The following ADGRG5 variants were observed in gnomAD, a reference collection of about 807,000 sequenced individuals.
The protein encoded by ADGRG5 is G protein-coupled receptor 114.
In ADGRG5, 37 loss-of-function variants were observed where a neutral mutation model predicts 53.2. That is an observed-to-expected ratio of 0.70 (90% CI 0.53 to 0.91). The LOEUF (loss-of-function observed/expected upper bound fraction) is 0.91, where lower values mean the gene tolerates loss of function less well. Ranked by LOEUF, ADGRG5 falls within the 40% of genes least tolerant of loss-of-function variation. The pLI is 0.00. For synonymous variants in ADGRG5, 277 were observed against 290.4 expected, an observed-to-expected ratio of 0.95 and a Z score of 0.47; for missense variants, 614 against 675.8, an observed-to-expected ratio of 0.91 and a Z score of 1.01.
chr16:57,565,509 C>G, intron 6 of ADGRG5: 1 of 372,922 alleles, frequency 2.7e-6, no homozygotes, highest in Non-Finnish European at 4.8e-6. Flanking sequence ...GGTCTCCTGT[C>G]TTGGCTGTCC....
chr16:57,559,763 G>A (rs1257411440), intron 1 of ADGRG5, among the ~76,000 whole-genome samples: 14 of 151,340 alleles, frequency 9.3e-5, no homozygotes, highest in African/African-American at 3.2e-4. Context: ...AAAAGATTTT[G>A]TATATTATTT....
Position 57,555,575 on chromosome 16 carries a change from G to A in ADGRG5, c.-38-6481G>A, listed in dbSNP as rs183461429. Among the ~76,000 whole-genome samples the A allele has an allele frequency of 1.2e-4, 19 of 152,036 alleles. No homozygotes were observed. In the East Asian group the frequency reaches 3.7e-3, roughly 29 times the overall value. ...ATTGCATTTTGCAACTATAAGTGTT[G>A]GTTTGTCAATTTCTCCTTTTAGTGT... On this transcript the variant is annotated intron_variant, in intron 1 of 11. Transcript: ENST00000349457.
chr16:57,549,547 G>A (rs1341226365), intron 1 of ADGRG5, among the ~76,000 whole-genome samples: 1 of 151,990 alleles, frequency 6.6e-6, no homozygotes, highest in African/African-American at 2.4e-5. Context: ...TTTTTTGATT[G>A]GATTTCTAAA....
chr16:57,531,922 A>C, the ADGRG5 span, among the ~76,000 whole-genome samples: 1 of 152,112 alleles, frequency 6.6e-6, no homozygotes, highest in Non-Finnish European at 1.5e-5. Flanking sequence ...TATTTTTTAA[A>C]ACTCATGACC....
chr16:57,542,634 C>T (rs933815087), upstream of ADGRG5: 1 of 136,576 alleles, frequency 7.3e-6, no homozygotes. Context: ...CCGACTTCCC[C>T]TTCTTCCTGC....
the ADGRG5 span, among the ~76,000 whole-genome samples, chr16:57,535,829 C>A: frequency 6.6e-6 from 1 of 152,192 alleles, no homozygotes; most frequent in East Asian, 1.9e-4. Context: ...GGTGGGCAGA[C>A]CTCCCGAACC....
At position 57,567,541 on chromosome 16, in the gene ADGRG5, C is replaced by T; in HGVS notation, c.771C>T (p.Ser257=). The change falls in exon 8 of 12, where the codon AGC becomes AGT. Residue 257 remains serine, a synonymous_variant. Transcript: ENST00000349457. The part of the protein sequence containing the change: ...PLTYISLVGC[S]ISIVASLITV... ...CGTACATCTCCCTCGTGGGCTGCAG[C>T]ATCTCCATCGTGGCCTCGCTGATCA... 6.2e-7 allele frequency: 1 copy of T among 1,611,986 alleles called. No homozygotes were observed. The highest frequency in any genetic ancestry group is 8.5e-7 in the Non-Finnish European group (1 of 1,179,900).
intron 10 of ADGRG5, among the ~76,000 whole-genome samples, chr16:57,572,398 C>T (rs2033387865): frequency 6.6e-6 from 1 of 152,202 alleles, no homozygotes; most frequent in African/African-American, 2.4e-5. Flanking sequence ...TGGCGTGAAC[C>T]TGGGAGGTGG....
rs561688903 is a variant in ADGRG5 at position 57,553,016 on chromosome 16, T to C, written c.-38-9040T>C. 7.2e-5 allele frequency among the ~76,000 whole-genome samples: 11 copies of C among 152,360 alleles called. No individual in the cohort carries two copies. The South Asian group carries it at 1.2e-3, about 17-fold the overall frequency. Reference sequence around the variant, plus strand: ...AGTCAAAACACATACATTTATTGGTTAAGTTTGCCATCTTATATGGGCGCA... The same window carrying C: ...AGTCAAAACACATACATTTATTGGTCAAGTTTGCCATCTTATATGGGCGCA... On this transcript the variant is annotated intron_variant, in intron 1 of 11. Coordinates refer to ENST00000349457, the MANE Select transcript of ADGRG5 (RefSeq NM_001304376.3).
intron 1 of ADGRG5, among the ~76,000 whole-genome samples, chr16:57,561,744 C>A (rs1478985185): frequency 1.3e-5 from 2 of 152,180 alleles, no homozygotes; most frequent in Non-Finnish European, 2.9e-5. Context: ...ACACCGTCCC[C>A]CTGGGTAGAG....
intron 1 of ADGRG5, among the ~76,000 whole-genome samples, chr16:57,548,897 C>A (rs144900038): frequency 6.6e-6 from 1 of 152,244 alleles, no homozygotes; most frequent in Non-Finnish European, 1.5e-5. Context: ...AATAAAGCTG[C>A]TATGACTCTT....
At chr16:57,545,091 C>T (rs1314475760) in intron 1 of ADGRG5, among the ~76,000 whole-genome samples, 1 of 152,116 alleles carries the variant, frequency 6.6e-6, no homozygotes, top group East Asian at 1.9e-4. Flanking sequence ...CAAATCTTGT[C>T]CCTTGTCTTT....
At chr16:57,531,053 C>T in the ADGRG5 span, among the ~76,000 whole-genome samples, 3 of 151,918 alleles carry the variant, frequency 2.0e-5, no homozygotes, top group South Asian at 2.1e-4. Context: ...CGGCTGTCAT[C>T]GGGCCCTGGG....
chr16:57,541,697 A>T (rs532291624), upstream of ADGRG5, among the ~76,000 whole-genome samples: 1 of 152,288 alleles, frequency 6.6e-6, no homozygotes, highest in South Asian at 2.1e-4. Flanking sequence ...CTGGAAGAGC[A>T]CATTCCTGAG....
At chr16:57,536,778 G>C in the ADGRG5 span, among the ~76,000 whole-genome samples, 2 of 152,106 alleles carry the variant, frequency 1.3e-5, no homozygotes, top group Non-Finnish European at 2.9e-5. Flanking sequence ...CTGCTGCAGA[G>C]CGGGCCGTAC....
chr16:57,556,113 C>T (rs2032876513), intron 1 of ADGRG5, among the ~76,000 whole-genome samples: 1 of 152,130 alleles, frequency 6.6e-6, no homozygotes, highest in South Asian at 2.1e-4. Flanking sequence ...TTTGATGGCT[C>T]TTTATAGCAG....
chr16:57,536,145 C>T, the ADGRG5 span, among the ~76,000 whole-genome samples: 38 of 152,260 alleles, frequency 2.5e-4, no homozygotes, highest in South Asian at 4.1e-4. Flanking sequence ...CCGTCCATCC[C>T]GCATTCGCCA....
In ADGRG5 at chr16:57,570,464, G is replaced by A. The variant is rs144648370; in HGVS notation, c.1137G>A (p.Ser379=). The change falls in exon 10 of 12, where the codon TCG becomes TCA. Residue 379 remains serine (S), a synonymous_variant. Transcript: ENST00000349457. ...LVLLSLSVKS[S]VYGPCTIPVF... ...TGCTTTCCCTCTCTGTCAAGAGCTC[G>A]GTATACGGACCCTGCACAATCCCCG... The A allele has an allele frequency of 1.1e-5, 17 of 1,613,338 alleles. No individual in the cohort carries two copies. Among genetic ancestry groups the A allele is most frequent in the South Asian group, 8.8e-5 (8 of 91,074 alleles).
upstream of ADGRG5, among the ~76,000 whole-genome samples, chr16:57,540,682 C>T (rs1054294343): frequency 4.6e-5 from 7 of 152,068 alleles, no homozygotes; most frequent in African/African-American, 9.7e-5. Context: ...CAGCTGGGAC[C>T]GAGCAGGGAG....
Sources: gnomAD v4.1 joint callset for allele counts (sites outside exome capture counted in the v4.1 genomes callset) on GRCh38, gnomAD v4.1.1 for gene constraint, MANE v1.5 for transcripts, NCBI Gene and HGNC (gene_info 2026-07-23, HGNC 2026-07-21) for gene names.